The following EYA1 variants were observed in gnomAD, a reference collection of about 807,000 sequenced individuals.
EYA1 encodes protein phosphatase EYA1.
A neutral mutation model predicts 82.0 loss-of-function variants in EYA1; 16 were observed. The observed-to-expected ratio is 0.20, with a 90% CI of 0.13 to 0.30. EYA1 has a LOEUF of 0.30. Ranked by LOEUF, EYA1 falls within the 10% of genes least tolerant of loss-of-function variation. The pLI is 1.00. For synonymous variants in EYA1, 261 were observed against 264.4 expected, an observed-to-expected ratio of 0.99 and a Z score of 0.12; for missense variants, 633 against 730.7, an observed-to-expected ratio of 0.87 and a Z score of 1.54.
At chr8:71,287,832 C>T (rs755655292) in intron 9 of EYA1, among the ~76,000 whole-genome samples, 5 of 152,184 alleles carry the variant, frequency 3.3e-5, no homozygotes, top group Non-Finnish European at 4.4e-5. Context: ...CTTGAATGCC[C>T]GAATGGAAGA....
intron 9 of EYA1, among the ~76,000 whole-genome samples, chr8:71,297,572 A>C (rs1011505604): frequency 1.3e-5 from 2 of 152,164 alleles, no homozygotes; most frequent in African/African-American, 4.8e-5. Flanking sequence ...AACTCCTTTT[A>C]GTTTTCAGGA....
intron 6 of EYA1, among the ~76,000 whole-genome samples, chr8:71,318,063 C>T (rs1822128461): frequency 6.6e-6 from 1 of 152,098 alleles, no homozygotes; most frequent in Admixed American, 6.5e-5. Flanking sequence ...TAAATGTTCC[C>T]AAAGTTGCTA....
intron 2 of EYA1, among the ~76,000 whole-genome samples, chr8:71,444,147 A>C (rs1251492745): frequency 2.0e-5 from 3 of 152,226 alleles, no homozygotes; most frequent in African/African-American, 7.2e-5. Context: ...ACCTCTATCC[A>C]ATTAATTTAC....
chr8:71,338,369 T>C (rs371512253), intron 3 of EYA1, among the ~76,000 whole-genome samples: 2 of 152,362 alleles, frequency 1.3e-5, no homozygotes, highest in Admixed American at 6.5e-5. Context: ...TACATGGCAA[T>C]TGTGATCAAT....
chr8:71,396,622 G>C (rs1334567923), intron 2 of EYA1, among the ~76,000 whole-genome samples: 1 of 152,160 alleles, frequency 6.6e-6, no homozygotes, highest in Non-Finnish European at 1.5e-5. Context: ...TCTTAATCCT[G>C]AGTTCTAGTT....
intron 12 of EYA1, among the ~76,000 whole-genome samples, chr8:71,238,783 A>T (rs1389391566): frequency 6.6e-6 from 1 of 152,092 alleles, no homozygotes; most frequent in Admixed American, 6.5e-5. Context: ...CATTAAGTAA[A>T]GCTTGTGTCT....
upstream of EYA1, among the ~76,000 whole-genome samples, chr8:71,363,750 T>G (rs1827580367): frequency 6.6e-6 from 1 of 152,186 alleles, no homozygotes. Context: ...TAAATACTTT[T>G]GCAACCACAT....
intron 2 of EYA1, among the ~76,000 whole-genome samples, chr8:71,445,490 T>C (rs558789023): frequency 1.2e-3 from 185 of 152,346 alleles, no homozygotes; most frequent in African/African-American, 4.3e-3. Flanking sequence ...TCTGGCTTGA[T>C]ACCTAGTGAC....
At chr8:71,544,280 T>A (rs987336873) in intron 1 of EYA1, among the ~76,000 whole-genome samples, 1 of 152,140 alleles carries the variant, frequency 6.6e-6, no homozygotes, top group Non-Finnish European at 1.5e-5. Context: ...GATGTTGTGA[T>A]GGGGTCACAG....
chr8:71,280,303 T>C (rs1382549126), intron 9 of EYA1, among the ~76,000 whole-genome samples: 1 of 152,196 alleles, frequency 6.6e-6, no homozygotes, highest in Admixed American at 6.5e-5. Context: ...CTGTTTACTA[T>C]GTAAGAAAAC....
intron 3 of EYA1, among the ~76,000 whole-genome samples, chr8:71,341,710 T>A (rs536989996): frequency 5.3e-5 from 8 of 152,298 alleles, no homozygotes; most frequent in African/African-American, 1.7e-4. Context: ...CTCCAAAAAG[T>A]AAAGTTAAGG....
At chr8:71,383,174 C>T (rs977161996) in intron 2 of EYA1, among the ~76,000 whole-genome samples, 3 of 151,824 alleles carry the variant, frequency 2.0e-5, no homozygotes, top group African/African-American at 7.3e-5. Context: ...CATTTTATTC[C>T]CAGCTAAACC....
intron 2 of EYA1, among the ~76,000 whole-genome samples, chr8:71,457,226 G>T (rs537234023): frequency 3.9e-5 from 6 of 152,036 alleles, no homozygotes; most frequent in African/African-American, 1.4e-4. Flanking sequence ...ATCTCACACC[G>T]TCTAGAATGG....
intron 7 of EYA1, among the ~76,000 whole-genome samples, chr8:71,313,457 A>G (rs1377470823): frequency 6.6e-6 from 1 of 152,226 alleles, no homozygotes; most frequent in Non-Finnish European, 1.5e-5. Flanking sequence ...CTATTCCAGA[A>G]AGCTGGACCA....
At chr8:71,429,818 A>T (rs1805495713) in intron 2 of EYA1, among the ~76,000 whole-genome samples, 1 of 152,156 alleles carries the variant, frequency 6.6e-6, no homozygotes, top group Admixed American at 6.5e-5. Context: ...ATTCCTGTTG[A>T]TATAAAAGAT....
At position 71,216,979 on chromosome 8, in the gene EYA1, G is replaced by A. The variant is rs372488542; in HGVS notation, c.1185C>T (p.Asn395=). The change falls in exon 13 of 18, where the codon AAC becomes AAT. Residue 395 remains asparagine (N), a synonymous_variant. Transcript: ENST00000340726. ...AGGGTGCTCACCTTAGGTCCTGTCC[G>A]TTATCATCTGAAGAAACATCATCTA... ...VHIDDVSSDD[N]GQDLSTYNFG... The A allele has an allele frequency of 1.5e-4, 240 of 1,613,342 alleles. No individual in the cohort carries two copies. The highest frequency in any genetic ancestry group is 7.3e-5 in the Non-Finnish European group (86 of 1,179,416).
chr8:71,365,088 T>C (rs1042095958), upstream of EYA1, among the ~76,000 whole-genome samples: 2 of 150,416 alleles, frequency 1.3e-5, no homozygotes, highest in African/African-American at 4.9e-5. Context: ...CAAGGACAGA[T>C]ACAAGAAACT....
intron 2 of EYA1, chr8:71,404,317 G>A (rs746755092): frequency 6.6e-6 from 1 of 152,172 alleles, no homozygotes; most frequent in Non-Finnish European, 1.5e-5. Flanking sequence ...CAAACTACTG[G>A]TTACAATGTA....
intron 17 of EYA1, among the ~76,000 whole-genome samples, chr8:71,200,741 C>A (rs1052694391): frequency 6.6e-6 from 1 of 151,916 alleles, no homozygotes; most frequent in Admixed American, 6.6e-5. Flanking sequence ...GCTGCCTACC[C>A]TATTTTGAGT....
Sources: allele counts gnomAD v4.1 joint callset (sites outside exome capture counted in the v4.1 genomes callset), GRCh38; gene constraint gnomAD v4.1.1; transcripts MANE v1.5; gene names NCBI Gene and HGNC (gene_info 2026-07-23, HGNC 2026-07-21).